SHLD1: variants seen among roughly 807,000 people sequenced by gnomAD.
SHLD1 encodes the protein shieldin complex subunit 1.
A neutral mutation model predicts 5.5 loss-of-function variants in SHLD1; 3 were observed. The observed-to-expected ratio is 0.54, with a 90% CI of 0.25 to 1.40. The LOEUF (loss-of-function observed/expected upper bound fraction) is 1.40, where lower values mean the gene tolerates loss of function less well. Ranked by LOEUF, SHLD1 falls within the 40% of genes most tolerant of loss-of-function variation. SHLD1 has a pLI of 0.15. For synonymous variants in SHLD1, 92 were observed against 94.3 expected (o/e 0.98, Z 0.14); for missense variants, 210 against 244.4 (o/e 0.86, Z 0.94).
intron 2 of SHLD1, among the ~76,000 whole-genome samples, chr20:5,836,280 T>C (rs1259517892): frequency 6.6e-6 from 1 of 152,222 alleles, no homozygotes; most frequent in African/African-American, 2.4e-5. Context: ...ACAAAACTGT[T>C]AGCCTGCCTG....
intron 2 of SHLD1, among the ~76,000 whole-genome samples, chr20:5,814,654 C>CTTTTT (rs148119460): frequency 7.8e-4 from 81 of 103,762 alleles, no homozygotes; most frequent in East Asian, 1.4e-3. Flanking sequence ...TTTTCTTCTT[C>CTTTTT]TTTTTTTTTT....
chr20:5,844,199 G>T (rs958783532), intron 2 of SHLD1, among the ~76,000 whole-genome samples: 1 of 152,174 alleles, frequency 6.6e-6, no homozygotes, highest in African/African-American at 2.4e-5. Context: ...ATTCAGCGCT[G>T]TGATTCTGAC....
At position 5,855,936 on chromosome 20, in the gene SHLD1, G is replaced by A. The variant is rs1158948233; in HGVS notation, c.179-7088G>A. Among the ~76,000 whole-genome samples the A allele has an allele frequency of 6.6e-6, 1 of 152,202 alleles. No individual in the cohort carries two copies. The highest frequency in any genetic ancestry group is 1.5e-5 in the Non-Finnish European group (1 of 68,040). On this transcript the variant is annotated intron_variant, in intron 2 of 2. Coordinates refer to ENST00000303142, the MANE Select transcript of SHLD1 (RefSeq NM_152504.4). The surrounding 1 kb of genome is among the most constrained non-coding windows in gnomAD (Gnocchi z 4.4). ...TAATAGAGCTGTCCCAGTCACTGCT[G>A]ATTTCCCCATACTCTTTTTCCTCTG...
chr20:5,750,746 G>A (rs1983701655), intron 1 of SHLD1, among the ~76,000 whole-genome samples: 3 of 151,764 alleles, frequency 2.0e-5, no homozygotes, highest in Admixed American at 6.6e-5. Flanking sequence ...TGCCACTTCA[G>A]GAGGTTCTGC....
intron 2 of SHLD1, among the ~76,000 whole-genome samples, chr20:5,845,829 T>G (rs932695728): frequency 6.6e-6 from 1 of 152,184 alleles, no homozygotes; most frequent in Non-Finnish European, 1.5e-5. Flanking sequence ...GGAGTGAAGA[T>G]GACTCCTAAG....
intron 2 of SHLD1, among the ~76,000 whole-genome samples, chr20:5,861,173 C>T (rs553043281): frequency 6.6e-6 from 1 of 152,358 alleles, no homozygotes; most frequent in African/African-American, 2.4e-5. Context: ...ATCAACTCTG[C>T]TTCTCCATTG....
intron 2 of SHLD1, among the ~76,000 whole-genome samples, chr20:5,794,834 G>A (rs73894041): frequency 2.8e-3 from 425 of 152,136 alleles, no homozygotes; most frequent in African/African-American, 9.9e-3. Context: ...TCTGTACCGT[G>A]CTACAGATTG....
chr20:5,839,534 A>AGATAGATAGAT (rs1470084038), intron 2 of SHLD1, among the ~76,000 whole-genome samples: 8 of 141,532 alleles, frequency 5.7e-5, no homozygotes, highest in South Asian at 2.3e-4. Context: ...GATGATAGAT[A>AGATAGATAGAT]GACAGATAGA....
rs559865352 is a variant in SHLD1, at chr20:5,826,751, G to C, written c.179-36273G>C. On this transcript the variant is annotated intron_variant, in intron 2 of 2. Transcript: ENST00000303142. ...TGACCAAGTCACTTGGCCTCTCTGT[G>C]CCTCAGTTTCCTCATCTGTTAAATA... Among the ~76,000 whole-genome samples, 192 of 151,658 alleles carry C rather than the reference G, an allele frequency of 1.3e-3. 1 individual carries two copies. The highest frequency in any genetic ancestry group is 4.5e-3 in the African/African-American group (185 of 40,976).
intron 1 of SHLD1, among the ~76,000 whole-genome samples, chr20:5,764,219 G>GTA (rs71197792): frequency 5.8e-4 from 55 of 94,548 alleles, no homozygotes; most frequent in Admixed American, 1.3e-3. Context: ...TTGTGTGTGT[G>GTA]TATATATATA....
At position 5,797,420 on chromosome 20, in the gene SHLD1, G is replaced by C. The variant is rs1033683171; in HGVS notation, c.178+24377G>C. Reference sequence around the variant, plus strand: ...TACAAAATATAAACAAAATAAGCTGGGCATGGTGACGAGTGCCTGTAGTCC... The same window carrying C: ...TACAAAATATAAACAAAATAAGCTGCGCATGGTGACGAGTGCCTGTAGTCC... On this transcript the variant is annotated intron_variant, in intron 2 of 2. Transcript: ENST00000303142. Among the ~76,000 whole-genome samples the C allele has an allele frequency of 3.3e-5, 5 of 152,144 alleles. No individual in the cohort carries two copies. In the East Asian group the frequency reaches 9.7e-4, roughly 29 times the overall value.
At chr20:5,816,088 C>T (rs199849787) in intron 2 of SHLD1, among the ~76,000 whole-genome samples, 67 of 20,084 alleles carry the variant, frequency 3.3e-3, no homozygotes, top group South Asian at 0.018. Context: ...CTCAAAAAAA[C>T]GAAAAAAAAA....
chr20:5,790,880 T>A (rs1275704747), intron 2 of SHLD1, among the ~76,000 whole-genome samples: 1 of 151,430 alleles, frequency 6.6e-6, no homozygotes, highest in Non-Finnish European at 1.5e-5. Flanking sequence ...AAGACAGTCA[T>A]GGCTGAGCGC....
At chr20:5,828,786 C>T (rs1239954577) in intron 2 of SHLD1, among the ~76,000 whole-genome samples, 1 of 152,126 alleles carries the variant, frequency 6.6e-6, no homozygotes, top group East Asian at 1.9e-4. Context: ...TAGGCATTAT[C>T]AGGTCTTAAA....
intron 2 of SHLD1, among the ~76,000 whole-genome samples, chr20:5,805,974 A>T (rs1246740677): frequency 6.6e-6 from 1 of 152,168 alleles, no homozygotes; most frequent in Admixed American, 6.5e-5. Context: ...ATGGGGAGAA[A>T]GCACAGCCTT....
chr20:5,849,519 G>A (rs2087974222), intron 2 of SHLD1, among the ~76,000 whole-genome samples: 1 of 152,324 alleles, frequency 6.6e-6, no homozygotes, highest in African/African-American at 2.4e-5. Context: ...GGACATAACT[G>A]TGTGGTAGGA....
At chr20:5,781,397 C>G (rs1442459523) in intron 2 of SHLD1, among the ~76,000 whole-genome samples, 1 of 152,134 alleles carries the variant, frequency 6.6e-6, no homozygotes, top group East Asian at 1.9e-4. Context: ...GACCCTCTTT[C>G]TAAAGAAAGA....
At position 5,784,599 on chromosome 20, in the gene SHLD1, C is replaced by T. The variant is rs545436850; in HGVS notation, c.178+11556C>T. On this transcript the variant is annotated intron_variant, in intron 2 of 2. Transcript: ENST00000303142. Reference sequence around the variant, plus strand: ...CCGAGTAGCTGGGACTACAGGCGCCCGCCACCACGCCCGGCTAATTTTTTA... The same window carrying T: ...CCGAGTAGCTGGGACTACAGGCGCCTGCCACCACGCCCGGCTAATTTTTTA... 4.0e-3 allele frequency among the ~76,000 whole-genome samples: 606 copies of T among 151,876 alleles called. 7 individuals carry two copies. The highest frequency in any genetic ancestry group is 4.4e-3 in the South Asian group (21 of 4,798).
intron 2 of SHLD1, among the ~76,000 whole-genome samples, chr20:5,787,423 A>G (rs2087075090): frequency 6.6e-6 from 1 of 152,200 alleles, no homozygotes; most frequent in Admixed American, 6.5e-5. Flanking sequence ...CCCTTGGCCA[A>G]CCTTTTAGCT....
Sources: gnomAD v4.1 joint callset for allele counts (sites outside exome capture counted in the v4.1 genomes callset) on GRCh38, gnomAD v4.1.1 for gene constraint, Gnocchi (gnomAD v3.1) non-coding constraint, MANE v1.5 for transcripts, NCBI Gene and HGNC (gene_info 2026-07-23, HGNC 2026-07-21) for gene names.